The following CAMTA1 variants were observed in gnomAD, a reference collection of about 807,000 sequenced individuals.
CAMTA1 encodes the protein calmodulin-binding transcription activator 1.
CAMTA1 carries 27 observed loss-of-function variants against 170.9 expected under a neutral mutation model. The observed-to-expected ratio is 0.16, with a 90% CI of 0.12 to 0.22. CAMTA1 has a LOEUF of 0.22. CAMTA1 is among the 10% of genes least tolerant of loss of function. The probability of loss-of-function intolerance (pLI) is 1.00; values close to 1 mark genes in which losing one functional copy is unlikely to be tolerated. For missense variants in CAMTA1, 1,619 were observed against 2,217.2 expected (o/e 0.73, Z 5.42); for synonymous variants, 833 against 891.5 (o/e 0.93, Z 1.17).
chr1:6,975,973 G>T (rs191431087), intron 3 of CAMTA1, among the ~76,000 whole-genome samples: 3 of 152,244 alleles, frequency 2.0e-5, no homozygotes. Context: ...CGCGGCGAGC[G>T]TCAGTACTCC....
intron 6 of CAMTA1, among the ~76,000 whole-genome samples, chr1:7,624,430 T>C (rs965992374): frequency 6.6e-6 from 1 of 152,264 alleles, no homozygotes; most frequent in East Asian, 1.9e-4. Context: ...ATACCACTGC[T>C]CCCACAGGTG....
At chr1:7,365,575 C>T (rs2085903727) in intron 5 of CAMTA1, among the ~76,000 whole-genome samples, 1 of 152,170 alleles carries the variant, frequency 6.6e-6, no homozygotes, top group Non-Finnish European at 1.5e-5. Context: ...GGAGAGTGAG[C>T]GCAGCTCTGC....
At chr1:7,351,619 T>C (rs2084679987) in intron 5 of CAMTA1, among the ~76,000 whole-genome samples, 1 of 152,194 alleles carries the variant, frequency 6.6e-6, no homozygotes, top group Admixed American at 6.5e-5. Flanking sequence ...TTCGGGGTGA[T>C]GGACTTGGAC....
At chr1:7,332,982 T>C (rs1366684585) in intron 5 of CAMTA1, among the ~76,000 whole-genome samples, 3 of 152,276 alleles carry the variant, frequency 2.0e-5, no homozygotes, top group East Asian at 1.9e-4. Flanking sequence ...TGTCACACTA[T>C]GGAGAGTTGG....
At chr1:7,690,195 T>G (rs1576902798) in intron 11 of CAMTA1, among the ~76,000 whole-genome samples, 1 of 152,206 alleles carries the variant, frequency 6.6e-6, no homozygotes, top group South Asian at 2.1e-4. Flanking sequence ...CTGGGAGCCC[T>G]GGGCGGCTTC....
chr1:7,691,742 G>C (rs991051293), intron 11 of CAMTA1, among the ~76,000 whole-genome samples: 6 of 152,190 alleles, frequency 3.9e-5, no homozygotes, highest in Admixed American at 3.9e-4. Context: ...AAATAGACAA[G>C]AGAGCGAGAG....
chr1:6,947,996 AT>A (rs1351906406), intron 3 of CAMTA1, among the ~76,000 whole-genome samples: 1 of 152,168 alleles, frequency 6.6e-6, no homozygotes, highest in Non-Finnish European at 1.5e-5. Context: ...TTCCTTTCCA[AT>A]ATGGATACCT....
chr1:7,236,557 G>C (rs1294511270), intron 4 of CAMTA1, among the ~76,000 whole-genome samples: 1 of 152,192 alleles, frequency 6.6e-6, no homozygotes, highest in African/African-American at 2.4e-5. Context: ...CCCCTTACCG[G>C]CTGTGCGACG....
chr1:7,500,136 A>G (rs1477749931), intron 6 of CAMTA1, among the ~76,000 whole-genome samples: 4 of 136,732 alleles, frequency 2.9e-5, no homozygotes, highest in Non-Finnish European at 4.6e-5. Context: ...GTGTGTATGT[A>G]TATGGGTGTG....
rs1176999687 is a variant in CAMTA1, at chr1:7,012,654, C to T, written c.235-78650C>T. 3.3e-5 allele frequency among the ~76,000 whole-genome samples: 5 copies of T among 152,334 alleles called. No individual in the cohort carries two copies. In the East Asian group the frequency reaches 9.7e-4, roughly 29 times the overall value. ...GCCTGTGACGTGGCTGATTGCCCCT[C>T]TCTGTGACGCACTTCCTTCCCTTCG... On this transcript the variant is annotated intron_variant, in intron 3 of 22. Coordinates refer to ENST00000303635, the MANE Select transcript of CAMTA1 (RefSeq NM_015215.4).
At chr1:7,263,981 T>C (rs1171941998) in intron 5 of CAMTA1, among the ~76,000 whole-genome samples, 1 of 152,178 alleles carries the variant, frequency 6.6e-6, no homozygotes, top group Non-Finnish European at 1.5e-5. Flanking sequence ...CATTTCAATA[T>C]ATGTTAGATA....
rs1328333540 is a variant in CAMTA1, at chr1:7,398,179, CTCTCTCTCTCTCTCTATATAT to C, written c.439-69650_439-69630del. Among the ~76,000 whole-genome samples, 15 of 43,740 alleles carry C rather than the reference CTCTCTCTCTCTCTCTATATAT, an allele frequency of 3.4e-4. 1 individual carries two copies. Among genetic ancestry groups the C allele is most frequent in the African/African-American group, 1.4e-3 (15 of 11,046 alleles). The allele number at this position is 43,740 out of a possible 152,430, so 28.7% of individuals were successfully genotyped here. ...GCTCTCTCTCTCTCTCTCTCTCTCT[CTCTCTCTCTCTCTCTATATAT>C]ATATATATATATATATATATATATA... On this transcript the variant is annotated intron_variant, in intron 5 of 22. Transcript: ENST00000303635.
At chr1:7,473,802 T>C (rs1304696164) in intron 6 of CAMTA1, among the ~76,000 whole-genome samples, 2 of 152,226 alleles carry the variant, frequency 1.3e-5, no homozygotes, top group African/African-American at 4.8e-5. Flanking sequence ...TGAGCCCAGC[T>C]CCACACTGGG....
chr1:7,585,472 C>T lies in CAMTA1; in HGVS notation c.511-54928C>T, dbSNP rs1373628741. 6.6e-6 allele frequency among the ~76,000 whole-genome samples: 1 copy of T among 152,162 alleles called. No individual in the cohort carries two copies. Among genetic ancestry groups the T allele is most frequent in the African/African-American group, 2.4e-5 (1 of 41,420 alleles). On this transcript the variant is annotated intron_variant, in intron 6 of 22. Transcript: ENST00000303635. The surrounding 1 kb of genome is among the most constrained non-coding windows in gnomAD (Gnocchi z 4.8). ...AAAACAGCCAGGAGCCCAGCCTACT[C>T]CAGTGGGTTCCCATAGGAGTGACGA...
intron 6 of CAMTA1, among the ~76,000 whole-genome samples, chr1:7,603,583 C>T (rs1311619736): frequency 1.3e-5 from 2 of 152,080 alleles, no homozygotes; most frequent in African/African-American, 2.4e-5. Flanking sequence ...TGTCTCTGCA[C>T]GTGAGATGGG....
intron 3 of CAMTA1, among the ~76,000 whole-genome samples, chr1:6,898,276 G>A (rs1037010513): frequency 1.3e-5 from 2 of 152,130 alleles, no homozygotes; most frequent in Non-Finnish European, 2.9e-5. Context: ...ATTCTGGGCC[G>A]GGCACGGTGG....
Position 7,510,140 on chromosome 1 carries a change from C to T in CAMTA1, c.510+42239C>T, listed in dbSNP as rs138901540. The stretch of plus-strand genomic sequence containing the variant: ...GGAGGAGATTCCACGCTTGGTACGA[C>T]GGCACTCGAGATAACACTCCCCGTT... On this transcript the variant is annotated intron_variant, in intron 6 of 22. Transcript: ENST00000303635. Among the ~76,000 whole-genome samples the T allele has an allele frequency of 4.3e-4, 58 of 134,162 alleles. 11 individuals carry two copies. In the East Asian group the frequency reaches 0.011, roughly 26 times the overall value. The allele number at this position is 134,162 out of a possible 152,430, so 88.0% of individuals were successfully genotyped here.
chr1:7,652,020 C>T (rs1000999835), intron 7 of CAMTA1, among the ~76,000 whole-genome samples: 1 of 152,190 alleles, frequency 6.6e-6, no homozygotes, highest in Non-Finnish European at 1.5e-5. Flanking sequence ...GCCCCTCAGC[C>T]CCCTGCCATC....
intron 4 of CAMTA1, among the ~76,000 whole-genome samples, chr1:7,102,849 T>C (rs1220234809): frequency 2.0e-5 from 3 of 152,156 alleles, no homozygotes; most frequent in Non-Finnish European, 2.9e-5. Context: ...AGCCCTTTTA[T>C]TCCTGAGCTG....
Sources: allele counts gnomAD v4.1 joint callset (sites outside exome capture counted in the v4.1 genomes callset), GRCh38; gene constraint gnomAD v4.1.1; non-coding constraint Gnocchi (gnomAD v3.1); transcripts MANE v1.5; gene names NCBI Gene and HGNC (gene_info 2026-07-23, HGNC 2026-07-21).